GFRA2: variants seen among roughly 807,000 people sequenced by gnomAD.
GFRA2 encodes the protein GDNF family receptor alpha 2, also known as GDNF family receptor alpha-2.
A neutral mutation model predicts 48.3 loss-of-function variants in GFRA2; 17 were observed. The ratio of observed to expected loss-of-function variants is 0.35; its 90% CI spans 0.24 to 0.53. The LOEUF (loss-of-function observed/expected upper bound fraction) is 0.53, where lower values mean the gene tolerates loss of function less well. Ranked by LOEUF, GFRA2 falls within the 20% of genes least tolerant of loss-of-function variation. The pLI is 0.93. For synonymous variants in GFRA2, 305 were observed against 257.2 expected (o/e 1.19, Z -1.78); for missense variants, 660 against 637.3 (o/e 1.04, Z -0.38).
intron 4 of GFRA2, among the ~76,000 whole-genome samples, chr8:21,719,691 A>T (rs776648688): frequency 1.7e-4 from 26 of 152,128 alleles, no homozygotes; most frequent in Non-Finnish European, 3.5e-4. Flanking sequence ...CAGCTGAAAG[A>T]TTTCTTTCAA....
chr8:21,796,556 A>G (rs1286757644), intron 2 of GFRA2, among the ~76,000 whole-genome samples: 1 of 152,238 alleles, frequency 6.6e-6, no homozygotes, highest in Non-Finnish European at 1.5e-5. Flanking sequence ...AACAGAAACT[A>G]GTGTTTCTCT....
intron 4 of GFRA2, among the ~76,000 whole-genome samples, chr8:21,741,356 T>C (rs1031636634): frequency 1.3e-5 from 2 of 152,306 alleles, no homozygotes; most frequent in East Asian, 3.9e-4. Context: ...AGGCTCCCCA[T>C]TCCTCAGGTC....
chr8:21,779,516 A>C (rs943214930), intron 2 of GFRA2: 1 of 152,344 alleles, frequency 6.6e-6, no homozygotes, highest in Non-Finnish European at 1.5e-5. Flanking sequence ...TGGAAACTGA[A>C]GGCTGCCAGA....
intron 3 of GFRA2, among the ~76,000 whole-genome samples, chr8:21,761,832 C>T (rs1246174425): frequency 6.6e-6 from 1 of 152,058 alleles, no homozygotes; most frequent in Admixed American, 6.5e-5. Flanking sequence ...CACCTGTAAT[C>T]CCAGCTACTC....
Position 21,802,298 on chromosome 8 carries a change from C to T in GFRA2, c.-36+2719G>A, listed in dbSNP as rs984825726. On this transcript the variant is annotated intron_variant, in intron 2 of 10. Transcript: ENST00000517328. ...CATGACTGGTGACTCACTCCACCAG[C>T]CTTAAAGCACCTACTATGTTCCAGG... Among the ~76,000 whole-genome samples, 8 of 152,304 alleles carry T rather than the reference C, an allele frequency of 5.3e-5. No homozygotes were observed. The East Asian group carries it at 1.5e-3, about 29-fold the overall frequency.
chr8:21,809,239 AG>A (rs1389290567), intron 1 of GFRA2, among the ~76,000 whole-genome samples: 1 of 152,196 alleles, frequency 6.6e-6, no homozygotes, highest in Non-Finnish European at 1.5e-5. Context: ...ACCAGGAGAG[AG>A]CCCTTCTAAG....
upstream of GFRA2, among the ~76,000 whole-genome samples, chr8:21,789,503 G>A (rs1403694625): frequency 6.6e-6 from 1 of 152,074 alleles, no homozygotes; most frequent in African/African-American, 2.4e-5. Flanking sequence ...TCTGAGGGGG[G>A]CTCCACCCTC....
At chr8:21,762,964 T>C (rs959558981) in intron 3 of GFRA2, among the ~76,000 whole-genome samples, 3 of 152,220 alleles carry the variant, frequency 2.0e-5, no homozygotes, top group Non-Finnish European at 2.9e-5. Context: ...TTCCTCAGCA[T>C]TTTTTATTTG....
At chr8:21,749,226 G>A (rs1454954138) in intron 4 of GFRA2, among the ~76,000 whole-genome samples, 5 of 142,814 alleles carry the variant, frequency 3.5e-5, no homozygotes, top group Middle Eastern at 3.6e-3. Flanking sequence ...ACCACCACCC[G>A]CCCCTCCCCC....
At chr8:21,710,710 C>T (rs1193094792) in intron 4 of GFRA2, among the ~76,000 whole-genome samples, 14 of 152,206 alleles carry the variant, frequency 9.2e-5, no homozygotes, top group Non-Finnish European at 2.1e-4. Context: ...ATTGCTGGTG[C>T]CAGGGCCTTG....
Position 21,788,142 on chromosome 8 carries a change from G to C in GFRA2, c.18C>G (p.Val6=). The change falls in exon 1 of 9, where the codon GTC becomes GTG. Residue 6 remains valine, a synonymous_variant. Coordinates refer to ENST00000524240, the MANE Select transcript of GFRA2 (RefSeq NM_001495.5). MILAN[V]FCLFFFLDET... ...CACCTAGAAAGAAGAAGAGGCAGAA[G>C]ACGTTTGCCAAGATCATGTTAAATA... is the stretch of plus-strand genomic sequence containing the variant. The C allele has an allele frequency of 6.3e-7, 1 of 1,575,810 alleles. No homozygotes were observed. The highest frequency in any genetic ancestry group is 1.1e-5 in the South Asian group (1 of 89,180).
intron 3 of GFRA2, among the ~76,000 whole-genome samples, chr8:21,765,531 T>C (rs1445877019): frequency 6.6e-6 from 1 of 151,992 alleles, no homozygotes; most frequent in African/African-American, 2.4e-5. Flanking sequence ...CTCTACTTGG[T>C]GAGACCCAGC....
At chr8:21,799,149 C>A (rs1333743435) in intron 2 of GFRA2, among the ~76,000 whole-genome samples, 1 of 152,118 alleles carries the variant, frequency 6.6e-6, no homozygotes, top group Non-Finnish European at 1.5e-5. Flanking sequence ...GTCTAACTGA[C>A]CCACACAATA....
intron 2 of GFRA2, among the ~76,000 whole-genome samples, chr8:21,780,262 T>C (rs1393507583): frequency 6.6e-6 from 1 of 151,948 alleles, no homozygotes; most frequent in Non-Finnish European, 1.5e-5. Context: ...ACGGGGAGCA[T>C]GGCTAATCCA....
At chr8:21,741,038 C>A (rs897698008) in intron 4 of GFRA2, among the ~76,000 whole-genome samples, 1 of 152,248 alleles carries the variant, frequency 6.6e-6, no homozygotes, top group African/African-American at 2.4e-5. Context: ...GGCCTCTCTG[C>A]AGTCGTTCTC....
chr8:21,779,797 G>A (rs1474243658), intron 2 of GFRA2: 2 of 152,086 alleles, frequency 1.3e-5, no homozygotes, highest in East Asian at 1.9e-4. Flanking sequence ...GAACATATTC[G>A]AGCCATCTCT....
chr8:21,757,522 G>GTTTTTTTTTTTT (rs1805629141), intron 3 of GFRA2, among the ~76,000 whole-genome samples: 1 of 112,942 alleles, frequency 8.9e-6, no homozygotes. Flanking sequence ...TTTGAATGGA[G>GTTTTTTTTTTTT]TTTCACTCTG....
chr8:21,788,527 G>C lies in GFRA2; in HGVS notation c.-368C>G. Reference sequence around the variant, plus strand: ...TCCAATTCCCCTGCGCTTCCCAGGAGGGGCCTGGGGAGGTGGGGAGAGAGG... The same window carrying C: ...TCCAATTCCCCTGCGCTTCCCAGGACGGGCCTGGGGAGGTGGGGAGAGAGG... On this transcript the variant is annotated 5_prime_UTR_variant, in exon 1 of 9. Transcript: ENST00000524240. 9.7e-7 allele frequency: 1 copy of C among 1,034,562 alleles called. No individual in the cohort carries two copies. The highest frequency in any genetic ancestry group is 4.5e-4 in the Middle Eastern group (1 of 2,216). 64.1% of individuals were successfully genotyped at this position (1,034,562 alleles called of 1,614,324 possible).
chr8:21,720,675 G>T (rs1292219481), intron 4 of GFRA2, among the ~76,000 whole-genome samples: 1 of 152,104 alleles, frequency 6.6e-6, no homozygotes, highest in East Asian at 1.9e-4. Flanking sequence ...GTCCTGTGTT[G>T]CTTCCCTTGC....
Sources: gnomAD v4.1 joint callset for allele counts (sites outside exome capture counted in the v4.1 genomes callset) on GRCh38, gnomAD v4.1.1 for gene constraint, MANE v1.5 for transcripts, NCBI Gene and HGNC (gene_info 2026-07-23, HGNC 2026-07-21) for gene names.